Variants in MYO3A observed in about 807,000 individuals in gnomAD.
MYO3A encodes myosin-IIIa.
A neutral mutation model predicts 192.7 loss-of-function variants in MYO3A; 180 were observed. That is an observed-to-expected ratio of 0.93 (90% CI 0.83 to 1.06). The LOEUF (loss-of-function observed/expected upper bound fraction) is 1.06. Ranked by LOEUF, MYO3A falls within the 50% of genes least tolerant of loss-of-function variation. MYO3A has a pLI of 0.00. For synonymous variants in MYO3A, 628 were observed against 645.3 expected (o/e 0.97, Z 0.41); for missense variants, 1,896 against 1,905.0 (o/e 1.00, Z 0.09).
rs190818195 is a variant in MYO3A, at chr10:26,080,938, C to T, written c.1360-7265C>T. Among the ~76,000 whole-genome samples the T allele has an allele frequency of 1.6e-3, 243 of 152,200 alleles. 4 individuals are homozygous for T. The highest frequency in any genetic ancestry group is 5.8e-3 in the African/African-American group (239 of 41,558). On this transcript the variant is annotated intron_variant, in intron 14 of 34. Transcript: ENST00000642920. ...GGTCTCTCAGCCATGGATACCAGCA[C>T]GTGTTCTGGTGGAGGTAGTAGGGGG...
In MYO3A at chr10:26,058,140, C is replaced by T. The variant is rs531086362; in HGVS notation, c.954-8835C>T. On this transcript the variant is annotated intron_variant, in intron 10 of 34. Coordinates refer to ENST00000642920, the MANE Select transcript of MYO3A (RefSeq NM_017433.5). Reference sequence around the variant, plus strand: ...AAAAACGCTCTGTTCTCTGCCTATTCATCTCTCTGTGTCCTCTAATTTGCT... The same window carrying T: ...AAAAACGCTCTGTTCTCTGCCTATTTATCTCTCTGTGTCCTCTAATTTGCT... Among the ~76,000 whole-genome samples, 19 of 152,312 alleles carry T rather than the reference C, an allele frequency of 1.2e-4. No individual in the cohort carries two copies. The South Asian group carries it at 3.9e-3, about 32-fold the overall frequency.
intron 14 of MYO3A, among the ~76,000 whole-genome samples, chr10:26,076,996 A>G (rs1391463617): frequency 6.6e-6 from 1 of 152,004 alleles, no homozygotes; most frequent in Non-Finnish European, 1.5e-5. Context: ...TTGGTTGCAT[A>G]TGAATTTTAG....
rs1564620155 is a variant in MYO3A, at chr10:26,173,851, ATGAGGAAGAGGT to A, written c.3589_3600del (p.Glu1197_Val1200del). 6.2e-7 allele frequency: 1 copy of A among 1,614,052 alleles called. No homozygotes were observed. The highest frequency in any genetic ancestry group is 8.5e-7 in the Non-Finnish European group (1 of 1,180,008). On this transcript the variant is annotated inframe_deletion, in exon 30 of 35. Coordinates refer to ENST00000642920, the MANE Select transcript of MYO3A (RefSeq NM_017433.5). ...ACTCCAAAAAAAATGAATAATGTGT[ATGAGGAAGAGGT>A]TAAGCAAGAATTCTACCTTGTAGGG...
rs1176367792 is a variant in MYO3A, at chr10:26,026,501, C to A, written c.922C>A (p.His308Asn). ...ACAACTAACGGAATTCATTGGCATC[C>A]ATCAATGCATGGGAGGCACAGAAAA... Reference protein sequence around the residue: ...QKQLTEFIGIHQCMGGTEKAR... With the variant: ...QKQLTEFIGINQCMGGTEKAR... The change falls in exon 10 of 35, where the codon CAT (histidine) becomes AAT (asparagine). Residue 308 changes from histidine to asparagine, a missense_variant. His to Asn is a moderately conservative substitution (Grantham distance 68). Transcript: ENST00000642920. 6.2e-7 allele frequency: 1 copy of A among 1,613,960 alleles called. No homozygotes were observed. Among genetic ancestry groups the A allele is most frequent in the Non-Finnish European group, 8.5e-7 (1 of 1,179,988 alleles).
intron 17 of MYO3A, among the ~76,000 whole-genome samples, chr10:26,109,895 C>T (rs1838054649): frequency 6.6e-6 from 1 of 152,070 alleles, no homozygotes; most frequent in Non-Finnish European, 1.5e-5. Context: ...ATCTGGAAGG[C>T]TATTTCCAGC....
intron 4 of MYO3A, among the ~76,000 whole-genome samples, chr10:25,988,259 G>C (rs1053286541): frequency 2.0e-5 from 3 of 152,102 alleles, no homozygotes; most frequent in Admixed American, 1.3e-4. Flanking sequence ...ACTGGGCACA[G>C]TGTACACAGC....
At chr10:26,203,244 T>C in intron 34 of MYO3A, 137 bp downstream of exon 34, 1 of 996,982 alleles carries the variant, frequency 1.0e-6, no homozygotes, top group Non-Finnish European at 1.5e-6. Context: ...GATATGGTGT[T>C]TAAAAGTAAT....
chr10:26,134,611 T>C (rs1385457599), intron 20 of MYO3A, among the ~76,000 whole-genome samples: 1 of 152,048 alleles, frequency 6.6e-6, no homozygotes, highest in Non-Finnish European at 1.5e-5. Flanking sequence ...TACACAGGAG[T>C]TCTTTGTACT....
intron 26 of MYO3A, among the ~76,000 whole-genome samples, chr10:26,163,023 G>A (rs1025900556): frequency 1.3e-5 from 2 of 152,254 alleles, no homozygotes; most frequent in Admixed American, 6.5e-5. Context: ...AGGCATAGAA[G>A]CATGAGCAAA....
At chr10:26,176,621 G>T in intron 30 of MYO3A, 80 bp from the exon 31 acceptor site, 7 of 1,297,488 alleles carry the variant, frequency 5.4e-6, no homozygotes, top group Non-Finnish European at 5.5e-6. Context: ...TGCTGGTAAG[G>T]CGTTTCCCAG....
At chr10:26,075,418 CT>C (rs1161815584) in intron 14 of MYO3A, among the ~76,000 whole-genome samples, 1 of 151,502 alleles carries the variant, frequency 6.6e-6, no homozygotes, top group Non-Finnish European at 1.5e-5. Flanking sequence ...TCTTTTATCC[CT>C]TGCCCTGCTC....
intron 10 of MYO3A, among the ~76,000 whole-genome samples, chr10:26,043,420 C>A (rs1036930956): frequency 2.0e-5 from 3 of 151,456 alleles, no homozygotes; most frequent in Non-Finnish European, 4.4e-5. Context: ...TCCCTCAGGC[C>A]CTGGGTAGGT....
chr10:26,078,683 A>G (rs1835745673), intron 14 of MYO3A, among the ~76,000 whole-genome samples: 1 of 152,012 alleles, frequency 6.6e-6, no homozygotes, highest in Non-Finnish European at 1.5e-5. Flanking sequence ...CCTTTGCTGT[A>G]TACTAGAGGT....
chr10:25,996,245 C>T (rs1840431846), intron 4 of MYO3A, among the ~76,000 whole-genome samples: 1 of 152,170 alleles, frequency 6.6e-6, no homozygotes, highest in Non-Finnish European at 1.5e-5. Context: ...ATTTGAAAAT[C>T]AAGCTCATGC....
At chr10:26,127,651 A>T (rs1003932917) in intron 19 of MYO3A, among the ~76,000 whole-genome samples, 3 of 152,104 alleles carry the variant, frequency 2.0e-5, no homozygotes, top group Non-Finnish European at 2.9e-5. Flanking sequence ...CACCTAAATG[A>T]TGAACACAAA....
At chr10:26,019,573 C>T (rs1432921908) in intron 7 of MYO3A, among the ~76,000 whole-genome samples, 1 of 152,212 alleles carries the variant, frequency 6.6e-6, no homozygotes, top group Non-Finnish European at 1.5e-5. Context: ...GTCTTGGCCT[C>T]CCAAAGTGCT....
At chr10:25,954,811 C>T in intron 3 of MYO3A, 63 bp from the exon 4 acceptor site, 3 of 1,507,516 alleles carry the variant, frequency 2.0e-6, no homozygotes, top group African/African-American at 1.4e-5. Context: ...ATTCTATAAT[C>T]TGTTTCTTTG....
chr10:26,172,288 C>G (rs569446888), intron 29 of MYO3A, among the ~76,000 whole-genome samples: 2 of 152,336 alleles, frequency 1.3e-5, no homozygotes, highest in African/African-American at 4.8e-5. Flanking sequence ...GAACTGTGAC[C>G]TAGAATACCA....
intron 26 of MYO3A, among the ~76,000 whole-genome samples, chr10:26,162,344 T>TA (rs1048489402): frequency 4.4e-4 from 67 of 152,362 alleles, no homozygotes; most frequent in African/African-American, 1.6e-3. Flanking sequence ...TATTTTTACT[T>TA]ACAACATCAA....
Sources: allele counts gnomAD v4.1 joint callset (sites outside exome capture counted in the v4.1 genomes callset), GRCh38; gene constraint gnomAD v4.1.1; transcripts MANE v1.5; gene names NCBI Gene and HGNC (gene_info 2026-07-23, HGNC 2026-07-21).